Variants in DCTN5 observed in about 807,000 individuals in gnomAD.
DCTN5 encodes the protein dynactin 4.
In DCTN5, 14 loss-of-function variants were observed where a neutral mutation model predicts 23.5. The ratio of observed to expected loss-of-function variants is 0.60; its 90% CI spans 0.39 to 0.93. The LOEUF (loss-of-function observed/expected upper bound fraction) is 0.93. DCTN5 is among the 40% of genes least tolerant of loss of function. The pLI is 0.00. For missense variants in DCTN5, 156 were observed against 225.9 expected (o/e 0.69, Z 1.98); for synonymous variants, 67 against 79.6 (o/e 0.84, Z 0.84).
At chr16:23,660,871 G>T (rs1967796584) in intron 3 of DCTN5, among the ~76,000 whole-genome samples, 1 of 152,192 alleles carries the variant, frequency 6.6e-6, no homozygotes, top group Non-Finnish European at 1.5e-5. Context: ...AAGGAAGTGG[G>T]AATGAACAAA....
intron 4 of DCTN5, among the ~76,000 whole-genome samples, chr16:23,663,156 T>C (rs1168835248): frequency 6.6e-6 from 1 of 152,214 alleles, no homozygotes; most frequent in Non-Finnish European, 1.5e-5. Flanking sequence ...AAGATGTAGG[T>C]GTTCATCAGA....
chr16:23,648,857 T>TTTTG (rs34806586), intron 2 of DCTN5, among the ~76,000 whole-genome samples: 46,096 of 151,472 alleles, frequency 0.3, 7,155 homozygotes, highest in East Asian at 0.44. Context: ...ATTAGTGATT[T>TTTTG]TTTGTTTGTT....
At chr16:23,658,110 G>C (rs1343853734) in intron 2 of DCTN5, among the ~76,000 whole-genome samples, 1 of 152,216 alleles carries the variant, frequency 6.6e-6, no homozygotes, top group Non-Finnish European at 1.5e-5. Flanking sequence ...TGGAGGAGGT[G>C]TAGTGTTAAG....
At chr16:23,654,007 T>C (rs1597118476) in intron 2 of DCTN5, among the ~76,000 whole-genome samples, 2 of 152,194 alleles carry the variant, frequency 1.3e-5, no homozygotes, top group African/African-American at 4.8e-5. Context: ...CCAGTCAGAA[T>C]AGCTGTTATT....
intron 4 of DCTN5, among the ~76,000 whole-genome samples, chr16:23,661,976 G>A (rs1967821859): frequency 6.6e-6 from 1 of 151,450 alleles, no homozygotes; most frequent in African/African-American, 2.4e-5. Flanking sequence ...AGCACTTTGC[G>A]AGGCCAAGGC....
At chr16:23,642,240 T>A (rs1173763661) in intron 1 of DCTN5, among the ~76,000 whole-genome samples, 1 of 152,028 alleles carries the variant, frequency 6.6e-6, no homozygotes, top group Non-Finnish European at 1.5e-5. Flanking sequence ...GCCGATTTGG[T>A]TCTTTATGAT....
intron 5 of DCTN5, chr16:23,666,844 G>A (rs1307375508): frequency 1.4e-6 from 1 of 724,586 alleles, no homozygotes; most frequent in Non-Finnish European, 2.2e-6. Flanking sequence ...AGAGACTTTT[G>A]TTTAGTAATT....
intron 2 of DCTN5, among the ~76,000 whole-genome samples, chr16:23,647,292 T>A (rs1967487026): frequency 6.6e-6 from 1 of 151,892 alleles, no homozygotes; most frequent in South Asian, 2.1e-4. Context: ...GCCACCATGC[T>A]AGAGACAGGG....
intron 1 of DCTN5, among the ~76,000 whole-genome samples, chr16:23,641,866 G>A (rs980367548): frequency 2.0e-5 from 3 of 152,068 alleles, no homozygotes; most frequent in Non-Finnish European, 4.4e-5. Context: ...ATTACAGCTC[G>A]GACTTCGGGC....
At chr16:23,654,704 T>C (rs1967667917) in intron 2 of DCTN5, among the ~76,000 whole-genome samples, 1 of 152,192 alleles carries the variant, frequency 6.6e-6, no homozygotes, top group African/African-American at 2.4e-5. Flanking sequence ...TTCTAGGTCT[T>C]ATTTCTTCTA....
rs1220850057 is a variant in DCTN5, at chr16:23,670,916, T to C, written c.*3772T>C. ...ATCACTCATTTATTCATTTAACAAG[T>C]GCTTTCCAAGCCACTACTAGGTGCC... On this transcript the variant is annotated 3_prime_UTR_variant, in exon 6 of 6. Coordinates refer to ENST00000300087, the MANE Select transcript of DCTN5 (RefSeq NM_032486.4). 1.3e-5 allele frequency: 2 copies of C among 152,228 alleles called. No individual in the cohort carries two copies. The highest frequency in any genetic ancestry group is 4.8e-5 in the African/African-American group (2 of 41,450). The allele number at this position is 152,228 out of a possible 1,614,324, so 9.4% of individuals were successfully genotyped here. A position where few individuals can be genotyped will look rare whatever the true frequency, so the allele number is the denominator to read the frequency against.
At chr16:23,651,205 T>C in intron 2 of DCTN5, 1 of 1,049,572 alleles carries the variant, frequency 9.5e-7, no homozygotes, top group South Asian at 3.7e-5. Flanking sequence ...CCTTGCCCAT[T>C]GTTGAGTTCA....
Position 23,668,591 on chromosome 16 carries a change from T to G in DCTN5, c.*1447T>G, listed in dbSNP as rs940008375. 2.6e-5 allele frequency: 4 copies of G among 152,196 alleles called. No homozygotes were observed. The highest frequency in any genetic ancestry group is 4.8e-5 in the African/African-American group (2 of 41,418). 9.4% of individuals were successfully genotyped at this position (152,196 alleles called of 1,614,324 possible). A position where few individuals can be genotyped will look rare whatever the true frequency, so the allele number is the denominator to read the frequency against. On this transcript the variant is annotated 3_prime_UTR_variant, in exon 6 of 6. Transcript: ENST00000300087. ...AACAAAGGAGGCTGTAAATTTAGTT[T>G]CTACTTGGGCAGCCAAAACTCTGAG... is the stretch of plus-strand genomic sequence containing the variant.
chr16:23,650,002 G>T (rs1967565501), intron 2 of DCTN5, among the ~76,000 whole-genome samples: 1 of 152,094 alleles, frequency 6.6e-6, no homozygotes, highest in South Asian at 2.1e-4. Flanking sequence ...TCAAAAATCA[G>T]CTGGCTATAG....
At position 23,676,300 on chromosome 16, in the gene DCTN5, G is replaced by A. The variant is rs1378492774; in HGVS notation, c.*9156G>A. ...GAGGTGGGCAGATCACCTGAGGTCA[G>A]GAGTTTGAGACCAGCCTGACCGACA... is the stretch of plus-strand genomic sequence containing the variant. On this transcript the variant is annotated 3_prime_UTR_variant, in exon 6 of 6. Transcript: ENST00000300087. 1 of 152,076 alleles carries A rather than the reference G, an allele frequency of 6.6e-6. No individual in the cohort carries two copies. The highest frequency in any genetic ancestry group is 1.5e-5 in the Non-Finnish European group (1 of 68,094). The allele number at this position is 152,076 out of a possible 1,614,324, so 9.4% of individuals were successfully genotyped here. A position where few individuals can be genotyped will look rare whatever the true frequency, so the allele number is the denominator to read the frequency against.
At chr16:23,652,035 A>G (rs1298852064) in intron 2 of DCTN5, among the ~76,000 whole-genome samples, 1 of 152,234 alleles carries the variant, frequency 6.6e-6, no homozygotes, top group Non-Finnish European at 1.5e-5. Context: ...ACTCCATCTC[A>G]AAAACTAAAA....
chr16:23,651,245 G>A (rs1428479403), intron 2 of DCTN5: 1 of 983,124 alleles, frequency 1.0e-6, no homozygotes, highest in Non-Finnish European at 1.2e-6. Flanking sequence ...TCTGTGAAGG[G>A]CAGCCACCTC....
At chr16:23,655,644 A>G (rs1967689652) in intron 2 of DCTN5, among the ~76,000 whole-genome samples, 1 of 151,142 alleles carries the variant, frequency 6.6e-6, no homozygotes, top group Non-Finnish European at 1.5e-5. Flanking sequence ...CCACATACTC[A>G]GACAATCCCC....
At chr16:23,643,584 A>C (rs1967357055) in intron 2 of DCTN5, among the ~76,000 whole-genome samples, 1 of 152,098 alleles carries the variant, frequency 6.6e-6, no homozygotes, top group African/African-American at 2.4e-5. Flanking sequence ...AGTGGTACCT[A>C]GAACCAACAT....
Sources: allele counts gnomAD v4.1 joint callset (sites outside exome capture counted in the v4.1 genomes callset), GRCh38; gene constraint gnomAD v4.1.1; transcripts MANE v1.5; gene names NCBI Gene and HGNC (gene_info 2026-07-23, HGNC 2026-07-21).